Variants in PLSCR4 observed in about 807,000 individuals in gnomAD.
PLSCR4 encodes the protein phospholipid scramblase 4.
A neutral mutation model predicts 36.3 loss-of-function variants in PLSCR4; 25 were observed. The observed-to-expected ratio is 0.69, with a 90% confidence interval of 0.50 to 0.96. The LOEUF (loss-of-function observed/expected upper bound fraction) is 0.96, where lower values mean the gene tolerates loss of function less well. Among genes scored for constraint, PLSCR4 ranks in the 40% least tolerant of loss-of-function variants. The pLI is 0.00. For missense variants in PLSCR4, 408 were observed against 414.7 expected (o/e 0.98, Z 0.14); for synonymous variants, 122 against 132.9 (o/e 0.92, Z 0.56).
At chr3:146,247,868 C>G (rs184744964) in intron 1 of PLSCR4, among the ~76,000 whole-genome samples, 1 of 152,298 alleles carries the variant, frequency 6.6e-6, no homozygotes, top group African/African-American at 2.4e-5. Context: ...ACAATCTGCC[C>G]ACCCCTGCCT....
chr3:146,205,362 T>C (rs1244820457), intron 4 of PLSCR4, among the ~76,000 whole-genome samples: 2 of 152,034 alleles, frequency 1.3e-5, no homozygotes, highest in African/African-American at 4.8e-5. Context: ...ATATTAATTT[T>C]ACTATAGATC....
chr3:146,201,012 A>T, intron 5 of PLSCR4, 23 bp downstream of exon 5: 1 of 1,468,652 alleles, frequency 6.8e-7, no homozygotes, highest in Non-Finnish European at 9.3e-7. Flanking sequence ...AATACTGCTG[A>T]GCACTACAAA....
At chr3:146,198,858 CAT>C (rs1462738696) in intron 6 of PLSCR4, among the ~76,000 whole-genome samples, 10 of 151,994 alleles carry the variant, frequency 6.6e-5, no homozygotes, top group Non-Finnish European at 1.5e-4. Flanking sequence ...ATTCACTTCA[CAT>C]ATAAGGCTGT....
chr3:146,195,454 A>C (rs571786001), intron 7 of PLSCR4, among the ~76,000 whole-genome samples, 172 bp from the exon 8 acceptor site: 1 of 152,350 alleles, frequency 6.6e-6, no homozygotes, highest in South Asian at 2.1e-4. Context: ...CAACTGGTTA[A>C]TAACTGAGCT....
chr3:146,196,795 T>G lies in PLSCR4; in HGVS notation c.625-2A>C. On this transcript the variant is annotated splice_acceptor_variant, in intron 6 of 8. Transcript: ENST00000354952. LOFTEE classifies it high-confidence loss of function. ...ACCAGGAGGACACTGCACCTCCAGC[T>G]GCAAACAAAACAGTGACAGAAGTTA... 1 of 1,613,506 alleles carries G rather than the reference T, an allele frequency of 6.2e-7. No individual in the cohort carries two copies. Among genetic ancestry groups the G allele is most frequent in the African/African-American group, 1.3e-5 (1 of 75,034 alleles).
At chr3:146,242,517 T>C (rs538209329) in intron 1 of PLSCR4, among the ~76,000 whole-genome samples, 3 of 152,270 alleles carry the variant, frequency 2.0e-5, no homozygotes, top group African/African-American at 7.2e-5. Flanking sequence ...TTCAAAGTCA[T>C]GCCAACAACA....
intron 1 of PLSCR4, among the ~76,000 whole-genome samples, chr3:146,224,500 G>A (rs1003864080): frequency 1.3e-5 from 2 of 149,234 alleles, no homozygotes; most frequent in Non-Finnish European, 2.9e-5. Context: ...CTTATGTTCC[G>A]ATGTATTCGG....
chr3:146,198,889 A>C (rs111536500), intron 6 of PLSCR4, among the ~76,000 whole-genome samples: 10 of 152,288 alleles, frequency 6.6e-5, no homozygotes, highest in African/African-American at 2.4e-4. Context: ...AGACAATAAT[A>C]ACAAAGGAGT....
rs1003038480 is a variant in PLSCR4, at chr3:146,202,264, C to T, written c.355-1187G>A. Among the ~76,000 whole-genome samples the T allele has an allele frequency of 3.9e-5, 6 of 151,932 alleles. No individual in the cohort carries two copies. The South Asian group carries it at 8.3e-4, about 21-fold the overall frequency. On this transcript the variant is annotated intron_variant, in intron 4 of 8. Transcript: ENST00000354952. ...TAGAAGTGAAAAGTAAAAATATAAA[C>T]TACAGGCATACTCTGAAGATACTAC...
intron 3 of PLSCR4, among the ~76,000 whole-genome samples, chr3:146,217,816 C>CTA (rs2034962949): frequency 1.3e-5 from 2 of 152,040 alleles, no homozygotes; most frequent in Admixed American, 1.3e-4. Context: ...GAGAAGCAGT[C>CTA]TATAGGTGGT....
At chr3:146,246,024 A>C (rs1329700608) in intron 1 of PLSCR4, among the ~76,000 whole-genome samples, 1 of 152,078 alleles carries the variant, frequency 6.6e-6, no homozygotes, top group East Asian at 1.9e-4. Context: ...TGACTGAAGG[A>C]TTCAGTCATT....
In PLSCR4 at chr3:146,222,151, C is replaced by T. The variant is rs983945516; in HGVS notation, c.-21-59G>A. The T allele has an allele frequency of 7.1e-6, 4 of 564,738 alleles. 1 individual carries two copies. The highest frequency in any genetic ancestry group is 4.2e-4 in the Middle Eastern group (1 of 2,360). 35.0% of individuals were successfully genotyped at this position (564,738 alleles called of 1,614,324 possible). A position where few individuals can be genotyped will look rare whatever the true frequency, so the allele number is the denominator to read the frequency against. ...ACATACATAATAAATAGTATTGCTACTCAGTAACACAGGTAAGGATTTCTG... is the reference window on the plus strand; with the variant it reads ...ACATACATAATAAATAGTATTGCTATTCAGTAACACAGGTAAGGATTTCTG... On this transcript the variant is annotated intron_variant, in intron 1 of 8. Coordinates refer to ENST00000354952, the MANE Select transcript of PLSCR4 (RefSeq NM_020353.3).
chr3:146,232,339 T>C (rs2035745599), intron 1 of PLSCR4, among the ~76,000 whole-genome samples: 2 of 152,154 alleles, frequency 1.3e-5, no homozygotes, highest in African/African-American at 4.8e-5. Flanking sequence ...TTTTGTTCCA[T>C]ATGAATTTCA....
chr3:146,237,156 A>G (rs2035952487), intron 1 of PLSCR4, among the ~76,000 whole-genome samples: 1 of 152,208 alleles, frequency 6.6e-6, no homozygotes, highest in Non-Finnish European at 1.5e-5. Flanking sequence ...TGTGTTAACC[A>G]AAGAAGAGCT....
In PLSCR4 at chr3:146,207,738, C is replaced by T. The variant is rs150660629; in HGVS notation, c.119-977G>A. ...CATTCAGCCCACAGCACTTATCCCT[C>T]TATCATTTCTCCCCATTCCACCTTC... On this transcript the variant is annotated intron_variant, in intron 3 of 8. Transcript: ENST00000354952. Among the ~76,000 whole-genome samples, 264 of 152,168 alleles carry T rather than the reference C, an allele frequency of 1.7e-3. 1 individual carries two copies. The highest frequency in any genetic ancestry group is 6.0e-3 in the African/African-American group (250 of 41,540).
intron 1 of PLSCR4, among the ~76,000 whole-genome samples, chr3:146,232,869 A>G (rs2035772447): frequency 6.6e-6 from 1 of 152,160 alleles, no homozygotes; most frequent in African/African-American, 2.4e-5. Context: ...CATTGCCTAA[A>G]GAGGTTTTTT....
At chr3:146,213,030 T>C (rs935910563) in intron 3 of PLSCR4, among the ~76,000 whole-genome samples, 1 of 152,206 alleles carries the variant, frequency 6.6e-6, no homozygotes, top group African/African-American at 2.4e-5. Flanking sequence ...TGTTTTAATA[T>C]GATATTTAAT....
At chr3:146,229,596 T>TTC (rs371289729) in intron 1 of PLSCR4, among the ~76,000 whole-genome samples, 1 of 110,664 alleles carries the variant, frequency 9.0e-6, no homozygotes, top group African/African-American at 3.7e-5. Flanking sequence ...ATTTTTCATT[T>TTC]ATTTATTTAT....
chr3:146,233,757 C>CA (rs149584864), intron 1 of PLSCR4, among the ~76,000 whole-genome samples: 2,550 of 152,092 alleles, frequency 0.017, 77 homozygotes, highest in African/African-American at 0.058. Context: ...AACTACAGTT[C>CA]AAAAAACCAG....
Sources: allele counts gnomAD v4.1 joint callset (sites outside exome capture counted in the v4.1 genomes callset), GRCh38; gene constraint gnomAD v4.1.1; transcripts MANE v1.5; gene names NCBI Gene and HGNC (gene_info 2026-07-23, HGNC 2026-07-21).